Variants in GRIK2 observed in about 807,000 individuals in gnomAD.
GRIK2 encodes glutamate ionotropic receptor kainate type subunit 2.
GRIK2 carries 32 observed loss-of-function variants against 100.3 expected under a neutral mutation model. That is an observed-to-expected ratio of 0.32 (90% confidence interval 0.24 to 0.43). The LOEUF is 0.43. Among genes scored for constraint, GRIK2 ranks in the 20% least tolerant of loss-of-function variants. The pLI is 1.00. For synonymous variants in GRIK2, 417 were observed against 389.4 expected (o/e 1.07, Z -0.83); for missense variants, 843 against 1,114.9 (o/e 0.76, Z 3.47).
At chr6:101,436,200 A>G (rs1769703415) in intron 2 of GRIK2, among the ~76,000 whole-genome samples, 1 of 152,094 alleles carries the variant, frequency 6.6e-6, no homozygotes, top group Non-Finnish European at 1.5e-5. Flanking sequence ...ATATTAATAT[A>G]GCTACATTTT....
At chr6:101,406,198 C>A (rs1418042955) in intron 2 of GRIK2, among the ~76,000 whole-genome samples, 1 of 152,098 alleles carries the variant, frequency 6.6e-6, no homozygotes, top group African/African-American at 2.4e-5. Context: ...TTAGAAAAGA[C>A]TCTAAAAACT....
chr6:101,803,703 T>C (rs1014435924), intron 9 of GRIK2, among the ~76,000 whole-genome samples: 1 of 151,892 alleles, frequency 6.6e-6, no homozygotes, highest in Non-Finnish European at 1.5e-5. Flanking sequence ...TAGGAGGAAT[T>C]TGGACCATTG....
intron 14 of GRIK2, among the ~76,000 whole-genome samples, chr6:102,006,692 T>A (rs1481302736): frequency 6.6e-6 from 1 of 151,828 alleles, no homozygotes; most frequent in African/African-American, 2.4e-5. Context: ...ACTGAGATAA[T>A]GATCCTTATT....
chr6:101,768,199 CAT>C (rs1198073526), intron 7 of GRIK2, among the ~76,000 whole-genome samples: 1 of 152,166 alleles, frequency 6.6e-6, no homozygotes, highest in Admixed American at 6.6e-5. Flanking sequence ...AGAAACACAA[CAT>C]AAATTGCTTA....
At chr6:101,935,860 C>T (rs113807291) in intron 14 of GRIK2, among the ~76,000 whole-genome samples, 1,754 of 152,070 alleles carry the variant, frequency 0.012, 34 homozygotes, top group African/African-American at 0.04. Flanking sequence ...CAGATCTAAA[C>T]TAAAACAAAA....
intron 14 of GRIK2, chr6:101,993,104 GGA>G (rs887345850): frequency 3.3e-5 from 5 of 151,170 alleles, no homozygotes; most frequent in Non-Finnish European, 7.4e-5. Context: ...ATCCTGAATG[GGA>G]GAGAGCCAAT....
intron 7 of GRIK2, among the ~76,000 whole-genome samples, chr6:101,766,207 C>T (rs571424813): frequency 1.2e-4 from 18 of 151,196 alleles, no homozygotes; most frequent in Non-Finnish European, 1.8e-4. Context: ...AATAACTATT[C>T]GGTATGTTTG....
intron 9 of GRIK2, among the ~76,000 whole-genome samples, chr6:101,807,302 G>GTAAGGAT (rs1360059285): frequency 6.6e-6 from 1 of 151,898 alleles, no homozygotes; most frequent in Non-Finnish European, 1.5e-5. Context: ...GATCCACATT[G>GTAAGGAT]CTTCAGTGGT....
intron 7 of GRIK2, among the ~76,000 whole-genome samples, chr6:101,719,978 A>T (rs1318042159): frequency 6.6e-6 from 1 of 152,022 alleles, no homozygotes; most frequent in Non-Finnish European, 1.5e-5. Context: ...GGAGAGAAAA[A>T]ACACCAAGTA....
intron 7 of GRIK2, among the ~76,000 whole-genome samples, chr6:101,779,825 A>G (rs1778975455): frequency 6.6e-6 from 1 of 152,110 alleles, no homozygotes; most frequent in South Asian, 2.1e-4. Flanking sequence ...TATATAATCC[A>G]TATGCATATA....
chr6:101,752,446 T>C (rs914795795), intron 7 of GRIK2, among the ~76,000 whole-genome samples: 1 of 152,228 alleles, frequency 6.6e-6, no homozygotes. Context: ...GGCACTGTGG[T>C]ACTCATTGCT....
intron 7 of GRIK2, among the ~76,000 whole-genome samples, chr6:101,742,367 G>A (rs992656075): frequency 6.6e-6 from 1 of 152,108 alleles, no homozygotes; most frequent in African/African-American, 2.4e-5. Flanking sequence ...GGTGGACTAA[G>A]GTGTGGGGTA....
Position 102,066,033 on chromosome 6 carries a change from TTAACACA to T in GRIK2, c.2563-2310_2563-2304del, listed in dbSNP as rs1266635747. On this transcript the variant is annotated intron_variant, in intron 16 of 16. Coordinates refer to ENST00000369134, the MANE Select transcript of GRIK2 (RefSeq NM_021956.5). ...TTCATGAATTGCAGAACTGCATAATTTAACACATAATACATAATGCATGGCAATGACT... is the reference window on the plus strand; with the variant it reads ...TTCATGAATTGCAGAACTGCATAATTTAATACATAATGCATGGCAATGACT... The T allele has an allele frequency of 1.8e-5, 10 of 541,604 alleles. No homozygotes were observed. The Admixed American group carries it at 2.0e-4, about 11-fold the overall frequency. The allele number at this position is 541,604 out of a possible 1,614,324, so 33.5% of individuals were successfully genotyped here.
At chr6:101,759,199 ATT>A (rs1417011785) in intron 7 of GRIK2, among the ~76,000 whole-genome samples, 3 of 152,132 alleles carry the variant, frequency 2.0e-5, no homozygotes, top group African/African-American at 4.8e-5. Flanking sequence ...TTTAAAATTT[ATT>A]TTGTTTTTCC....
intron 12 of GRIK2, among the ~76,000 whole-genome samples, chr6:101,917,530 T>G (rs975433781): frequency 1.3e-5 from 2 of 151,608 alleles, no homozygotes; most frequent in African/African-American, 4.8e-5. Flanking sequence ...GTGTAGCAAT[T>G]ACCTGTTTTC....
intron 7 of GRIK2, among the ~76,000 whole-genome samples, chr6:101,774,035 TCTAA>T (rs1036006742): frequency 1.3e-5 from 2 of 152,022 alleles, no homozygotes; most frequent in Non-Finnish European, 2.9e-5. Flanking sequence ...AGAATATCTC[TCTAA>T]CTTTTTAAGT....
In GRIK2 at chr6:101,622,128, A is replaced by AT. The variant is rs747810531; in HGVS notation, c.283+17dup. On this transcript the variant is annotated intron_variant, in intron 3 of 16. Transcript: ENST00000369134. The stretch of plus-strand genomic sequence containing the variant: ...AGCATCCAAGAAAGGTAATTGATAG[A>AT]TTTTTAACATCTTTGTTTCCTGGAA... The AT allele has an allele frequency of 4.7e-6, 7 of 1,491,140 alleles. No homozygotes were observed. Among genetic ancestry groups the AT allele is most frequent in the Admixed American group, 3.7e-5 (2 of 53,874 alleles). The allele number at this position is 1,491,140 out of a possible 1,614,324, so 92.4% of individuals were successfully genotyped here. A position where few individuals can be genotyped will look rare whatever the true frequency, so the allele number is the denominator to read the frequency against.
chr6:101,535,716 A>G (rs1775659522), intron 2 of GRIK2, among the ~76,000 whole-genome samples: 2 of 151,716 alleles, frequency 1.3e-5, no homozygotes, highest in African/African-American at 4.8e-5. Context: ...TATGATATGG[A>G]TGAGTTATGT....
chr6:101,858,536 G>A (rs372287738), intron 10 of GRIK2, among the ~76,000 whole-genome samples: 108 of 150,504 alleles, frequency 7.2e-4, no homozygotes, highest in Non-Finnish European at 1.4e-3. Flanking sequence ...ACAGGCGCCC[G>A]CCACTACGCC....
Sources: gnomAD v4.1 joint callset for allele counts (sites outside exome capture counted in the v4.1 genomes callset) on GRCh38, gnomAD v4.1.1 for gene constraint, MANE v1.5 for transcripts, NCBI Gene and HGNC (gene_info 2026-07-23, HGNC 2026-07-21) for gene names.